The following MARK1 variants were observed in gnomAD, a reference collection of about 807,000 sequenced individuals.
The protein encoded by MARK1 is serine/threonine-protein kinase MARK1.
Under a neutral mutation model 96.3 loss-of-function variants are expected in MARK1, and 40 were observed. The ratio of observed to expected loss-of-function variants is 0.42; its 90% CI spans 0.32 to 0.54. The LOEUF is 0.54. Ranked by LOEUF, MARK1 falls within the 20% of genes least tolerant of loss-of-function variation. MARK1 has a pLI of 0.16. For missense variants in MARK1, 719 were observed against 984.6 expected, an observed-to-expected ratio of 0.73 and a Z score of 3.61; for synonymous variants, 317 against 341.2, an observed-to-expected ratio of 0.93 and a Z score of 0.78.
At chr1:220,539,103 A>G (rs1447373387) in intron 1 of MARK1, among the ~76,000 whole-genome samples, 4 of 151,756 alleles carry the variant, frequency 2.6e-5, no homozygotes, top group African/African-American at 4.8e-5. Flanking sequence ...TTCCAACACT[A>G]TGTTGAATAG....
chr1:220,599,304 T>C (rs1665589079), intron 4 of MARK1, among the ~76,000 whole-genome samples: 1 of 152,162 alleles, frequency 6.6e-6, no homozygotes, highest in African/African-American at 2.4e-5. Flanking sequence ...TGTATATAGT[T>C]GTTAAAGTAT....
chr1:220,658,753 A>G (rs187769620), intron 17 of MARK1, among the ~76,000 whole-genome samples: 10 of 152,354 alleles, frequency 6.6e-5, no homozygotes, highest in African/African-American at 1.7e-4. Context: ...AACTTTGGAA[A>G]ACTATAGCAT....
intron 1 of MARK1, among the ~76,000 whole-genome samples, chr1:220,558,977 T>TA (rs1662483685): frequency 6.6e-6 from 1 of 152,196 alleles, no homozygotes; most frequent in Admixed American, 6.5e-5. Flanking sequence ...CAGCTAGTGT[T>TA]AGAGAACTAA....
intron 13 of MARK1, among the ~76,000 whole-genome samples, chr1:220,637,637 C>T (rs1196133440): frequency 6.6e-6 from 1 of 152,048 alleles, no homozygotes; most frequent in African/African-American, 2.4e-5. Context: ...CAAGATCATG[C>T]CATTGCACTG....
intron 9 of MARK1, among the ~76,000 whole-genome samples, chr1:220,622,594 A>G (rs2102982007): frequency 6.6e-6 from 1 of 152,308 alleles, no homozygotes; most frequent in Non-Finnish European, 1.5e-5. Flanking sequence ...TAAATTCCAT[A>G]TTTTTAAAAT....
chr1:220,622,346 C>G (rs1667090367), intron 9 of MARK1, among the ~76,000 whole-genome samples: 1 of 152,192 alleles, frequency 6.6e-6, no homozygotes, highest in African/African-American at 2.4e-5. Flanking sequence ...ATTGCCCTCT[C>G]TTTGTCGTCA....
At chr1:220,644,643 A>T (rs748838092) in intron 13 of MARK1, among the ~76,000 whole-genome samples, 45 of 152,202 alleles carry the variant, frequency 3.0e-4, no homozygotes, top group Admixed American at 2.0e-3. Flanking sequence ...TCTTGGTGCC[A>T]TGTGGCATTT....
intron 3 of MARK1, among the ~76,000 whole-genome samples, chr1:220,592,900 A>C (rs1665092959): frequency 6.6e-6 from 1 of 152,170 alleles, no homozygotes; most frequent in South Asian, 2.1e-4. Context: ...AAGATGTCTG[A>C]TATACTGAAA....
chr1:220,663,086 T>C lies in MARK1; in HGVS notation c.*920T>C, dbSNP rs1055240390. 6.6e-6 allele frequency: 1 copy of C among 152,612 alleles called. No homozygotes were observed. The highest frequency in any genetic ancestry group is 6.5e-5 in the Admixed American group (1 of 15,282). 9.5% of individuals were successfully genotyped at this position (152,612 alleles called of 1,614,324 possible). A position where few individuals can be genotyped will look rare whatever the true frequency, so the allele number is the denominator to read the frequency against. ...TCACAGCACAAACTCATCTTTACAG[T>C]GTTGATCAATGCATCAGTTAAGAAA... On this transcript the variant is annotated 3_prime_UTR_variant, in exon 18 of 18. Coordinates refer to ENST00000366917, the MANE Select transcript of MARK1 (RefSeq NM_018650.5).
chr1:220,660,138 G>T lies in MARK1; in HGVS notation c.2034-1674G>T, dbSNP rs1669396004. Among the ~76,000 whole-genome samples the T allele has an allele frequency of 4.6e-5, 7 of 152,246 alleles. 1 individual carries two copies. The South Asian group carries it at 1.5e-3, about 32-fold the overall frequency. On this transcript the variant is annotated intron_variant, in intron 17 of 17. Coordinates refer to ENST00000366917, the MANE Select transcript of MARK1 (RefSeq NM_018650.5). ...CTTTAAAATGAGTGCTCAGTCAACT[G>T]ATCTCTCAGGACCCTTCCAGGATGC...
chr1:220,600,640 TAAAG>T (rs1665675067), intron 5 of MARK1, among the ~76,000 whole-genome samples: 1 of 152,082 alleles, frequency 6.6e-6, no homozygotes, highest in Non-Finnish European at 1.5e-5. Context: ...AAAGAATACT[TAAAG>T]GGAGGTTTTA....
intron 1 of MARK1, among the ~76,000 whole-genome samples, chr1:220,540,230 G>C (rs958691780): frequency 1.3e-5 from 2 of 152,202 alleles, no homozygotes; most frequent in African/African-American, 4.8e-5. Context: ...TCATCTGAAA[G>C]TGGGAGAACC....
chr1:220,599,196 A>G (rs973533611), intron 4 of MARK1, among the ~76,000 whole-genome samples: 1 of 152,208 alleles, frequency 6.6e-6, no homozygotes, highest in African/African-American at 2.4e-5. Flanking sequence ...TATTGATTAG[A>G]TATATTATTA....
chr1:220,604,964 C>T (rs6660022), intron 6 of MARK1, among the ~76,000 whole-genome samples: 2,357 of 152,064 alleles, frequency 0.016, 32 homozygotes, highest in Middle Eastern at 0.044. Context: ...AAAAATGGCT[C>T]GCTACCTCTT....
At chr1:220,554,484 C>T (rs1323454916) in intron 1 of MARK1, among the ~76,000 whole-genome samples, 1 of 152,172 alleles carries the variant, frequency 6.6e-6, no homozygotes, top group African/African-American at 2.4e-5. Flanking sequence ...GGATAGTCTT[C>T]TATAACAAAG....
chr1:220,568,977 A>G (rs924291350), intron 1 of MARK1, among the ~76,000 whole-genome samples: 9 of 152,178 alleles, frequency 5.9e-5, no homozygotes, highest in African/African-American at 2.2e-4. Flanking sequence ...GTTGTCTCCC[A>G]ACTCCTCCTA....
At chr1:220,604,195 C>A in intron 6 of MARK1, 58 bp downstream of exon 6, 1 of 1,120,472 alleles carries the variant, frequency 8.9e-7, no homozygotes, top group Non-Finnish European at 1.3e-6. Flanking sequence ...GTACAATGGA[C>A]AGTATTACAA....
At chr1:220,644,370 A>G (rs1374383085) in intron 13 of MARK1, among the ~76,000 whole-genome samples, 1 of 152,020 alleles carries the variant, frequency 6.6e-6, no homozygotes, top group East Asian at 1.9e-4. Context: ...AGAGCTAACT[A>G]TCCTAAATAT....
rs1325432473 is a variant in MARK1 at position 220,661,916 on chromosome 1, A to G, written c.2138A>G (p.Asp713Gly). 6.2e-7 allele frequency: 1 copy of G among 1,614,160 alleles called. No individual in the cohort carries two copies. Among genetic ancestry groups the G allele is most frequent in the South Asian group, 1.1e-5 (1 of 91,080 alleles). The change falls in exon 18 of 18, where the codon GAC becomes GGC. Residue 713 changes from aspartate (D) to glycine (G), a missense_variant. Asp to Gly is a moderately conservative substitution (Grantham distance 94). Coordinates refer to ENST00000366917, the MANE Select transcript of MARK1 (RefSeq NM_018650.5). The part of the protein sequence containing the change: ...TWSMKTTSSM[D>G]PNDMMREIRK... ...AGTATGAAGACCACTAGTTCAATGG[A>G]CCCTAATGACATGATGAGAGAAATC... is the stretch of plus-strand genomic sequence containing the variant.
Sources: allele counts gnomAD v4.1 joint callset (sites outside exome capture counted in the v4.1 genomes callset), GRCh38; gene constraint gnomAD v4.1.1; transcripts MANE v1.5; gene names NCBI Gene and HGNC (gene_info 2026-07-23, HGNC 2026-07-21).